Variants in GNPTAB observed in about 807,000 individuals in gnomAD.
GNPTAB encodes the protein N-acetylglucosamine-1-phosphate transferase subunits alpha and beta.
A neutral mutation model predicts 136.6 loss-of-function variants in GNPTAB; 92 were observed. The observed-to-expected ratio is 0.67, with a 90% CI of 0.57 to 0.80. GNPTAB has a LOEUF of 0.80. GNPTAB is among the 30% of genes least tolerant of loss of function. The pLI, the probability that GNPTAB is intolerant of heterozygous loss-of-function variation, is 0.00. For missense variants in GNPTAB, 1,343 were observed against 1,501.8 expected (o/e 0.89, Z 1.75); for synonymous variants, 512 against 535.1 (o/e 0.96, Z 0.60).
chr12:101,780,076 A>G (rs1953317991), intron 7 of GNPTAB, 76 bp downstream of exon 7: 1 of 1,439,894 alleles, frequency 6.9e-7, no homozygotes, highest in Admixed American at 1.7e-5. Flanking sequence ...TGGGGGAAAA[A>G]AATGGACCAC....
intron 4 of GNPTAB, 36 bp from the exon 5 acceptor site, chr12:101,786,253 C>T (rs762311871): frequency 2.6e-6 from 4 of 1,529,052 alleles, no homozygotes; most frequent in African/African-American, 2.7e-5. Context: ...CAATTACATT[C>T]TTGAAATTTA....
At chr12:101,791,566 C>T (rs1204445764) in intron 2 of GNPTAB, among the ~76,000 whole-genome samples, 1 of 151,660 alleles carries the variant, frequency 6.6e-6, no homozygotes, top group Non-Finnish European at 1.5e-5. Context: ...TCCTTGGCCA[C>T]ATACGGCCCA....
chr12:101,785,444 TC>T (rs1868581033), intron 5 of GNPTAB: 1 of 152,822 alleles, frequency 6.5e-6, no homozygotes, highest in Admixed American at 6.5e-5. Flanking sequence ...GGTCTTGAAC[TC>T]CTTAGGCTCA....
rs1168553523 is a variant in GNPTAB at position 101,769,876 on chromosome 12, C to G, written c.1284+145G>C. 3 of 845,746 alleles carry G rather than the reference C, an allele frequency of 3.5e-6. No homozygotes were observed. The African/African-American group carries it at 5.0e-5, about 14-fold the overall frequency. The allele number at this position is 845,746 out of a possible 1,614,324, so 52.4% of individuals were successfully genotyped here. A position where few individuals can be genotyped will look rare whatever the true frequency, so the allele number is the denominator to read the frequency against. The stretch of plus-strand genomic sequence containing the variant: ...ACCCCTAGGTGGTCAAGTGATCCAC[C>G]CACCTCCGCCTCCCAAAGTACTGGG... On this transcript the variant is annotated intron_variant, in intron 10 of 20. Transcript: ENST00000299314.
intron 1 of GNPTAB, among the ~76,000 whole-genome samples, chr12:101,829,810 A>G (rs558076106): frequency 6.6e-6 from 1 of 152,314 alleles, no homozygotes; most frequent in Admixed American, 6.5e-5. Flanking sequence ...TAATTTAGCC[A>G]TTAAACAAAC....
intron 20 of GNPTAB, among the ~76,000 whole-genome samples, chr12:101,747,749 T>C (rs1952755464): frequency 9.8e-6 from 1 of 102,436 alleles, no homozygotes; most frequent in Non-Finnish European, 2.0e-5. Flanking sequence ...GAGGCAGCAT[T>C]GGCTGCTTTG....
At chr12:101,798,705 G>A (rs1026519201) in intron 1 of GNPTAB, among the ~76,000 whole-genome samples, 2 of 152,142 alleles carry the variant, frequency 1.3e-5, no homozygotes, top group African/African-American at 4.8e-5. Context: ...CCCATCTCCT[G>A]TTACTATTGC....
In GNPTAB at chr12:101,770,488, C is replaced by T. The variant is rs1594219189; in HGVS notation, c.1031G>A (p.Arg344Gln). The change falls in exon 9 of 21, where the codon CGG becomes CAG. Residue 344 changes from arginine to glutamine, a missense_variant. By Grantham distance (43) the Arg-to-Gln change is conservative. Transcript: ENST00000299314. ...RSIERHAPWV[R>Q]NIFIVTNGQI... ...CCCGTTGGTGACAATGAAAATATTC[C>T]GAACCCATGGTGCATGCCTCTCGAT... is the stretch of plus-strand genomic sequence containing the variant. The T allele has an allele frequency of 4.3e-6, 7 of 1,613,646 alleles. No individual in the cohort carries two copies. The highest frequency in any genetic ancestry group is 3.3e-5 in the Admixed American group (2 of 60,024).
At chr12:101,798,676 G>A (rs1869439427) in intron 1 of GNPTAB, among the ~76,000 whole-genome samples, 1 of 152,172 alleles carries the variant, frequency 6.6e-6, no homozygotes, top group African/African-American at 2.4e-5. Context: ...AGTATATACT[G>A]TACTAAAATA....
intron 5 of GNPTAB, among the ~76,000 whole-genome samples, chr12:101,783,619 A>G (rs1231395302): frequency 6.6e-6 from 1 of 152,224 alleles, no homozygotes; most frequent in Admixed American, 6.5e-5. Flanking sequence ...TGCAGTTCGA[A>G]TATGTGAGTG....
intron 5 of GNPTAB, 131 bp from the exon 6 acceptor site, chr12:101,780,752 AAGG>A: frequency 1.4e-6 from 1 of 709,166 alleles, no homozygotes. Context: ...AAGGAAGCTG[AAGG>A]AGACAAAATT....
At chr12:101,796,407 TA>T (rs1269103761) in intron 2 of GNPTAB, 1 of 645,206 alleles carries the variant, frequency 1.5e-6, no homozygotes, top group South Asian at 1.8e-5. Flanking sequence ...TTCCTTATTT[TA>T]AAAAAATATC....
chr12:101,766,617 A>G (rs1240751802), intron 11 of GNPTAB, among the ~76,000 whole-genome samples: 1 of 152,204 alleles, frequency 6.6e-6, no homozygotes. Flanking sequence ...CAGCCTGGGC[A>G]ACAAGAGTGA....
At chr12:101,816,095 G>A (rs1870500172) in intron 1 of GNPTAB, among the ~76,000 whole-genome samples, 1 of 152,040 alleles carries the variant, frequency 6.6e-6, no homozygotes, top group African/African-American at 2.4e-5. Context: ...GAAACTACTA[G>A]AAGAAAATAA....
Position 101,787,439 on chromosome 12 carries a change from AAC to A in GNPTAB, c.365+1107_365+1108del, listed in dbSNP as rs528061577. Among the ~76,000 whole-genome samples the A allele has an allele frequency of 7.6e-3, 1,163 of 152,332 alleles. 9 individuals carry two copies. Among genetic ancestry groups the A allele is most frequent in the Non-Finnish European group, 0.014 (967 of 68,024 alleles). On this transcript the variant is annotated intron_variant, in intron 4 of 20. Transcript: ENST00000299314. ...ATATGCATGAAAAGGGAATAAAAAT[AAC>A]AGTTGTTAAATAAGATTTATAAAAT...
chr12:101,822,527 T>C (rs1216247512), intron 1 of GNPTAB, among the ~76,000 whole-genome samples: 1 of 152,220 alleles, frequency 6.6e-6, no homozygotes, highest in South Asian at 2.1e-4. Flanking sequence ...CTTTCTTTCA[T>C]GTGCTCCAAC....
At chr12:101,782,091 T>C (rs1479358290) in intron 5 of GNPTAB, among the ~76,000 whole-genome samples, 2 of 152,194 alleles carry the variant, frequency 1.3e-5, no homozygotes, top group Admixed American at 1.3e-4. Context: ...ACAGAAGGCA[T>C]GCTTGTGAAA....
chr12:101,780,271 C>T lies in GNPTAB; in HGVS notation c.652G>A (p.Val218Ile). The change falls in exon 7 of 21, where the codon GTC (valine) becomes ATC (isoleucine). Residue 218 changes from valine (V) to isoleucine (I), a missense_variant. Val to Ile is a conservative substitution (Grantham distance 29). Coordinates refer to ENST00000299314, the MANE Select transcript of GNPTAB (RefSeq NM_024312.5). The stretch of plus-strand genomic sequence containing the variant: ...TCTTGCATTAGCACTAATCCAGGGA[C>T]TTCTTTATCTGTTGTCTAAAATAAG... ...WRGYLTTDKE[V>I]PGLVLMQDLA... 6.2e-7 allele frequency: 1 copy of T among 1,614,028 alleles called. No homozygotes were observed. The highest frequency in any genetic ancestry group is 1.1e-5 in the South Asian group (1 of 91,078).
At chr12:101,785,467 T>A (rs2137143594) in intron 5 of GNPTAB, 1 of 154,170 alleles carries the variant, frequency 6.5e-6, no homozygotes, top group South Asian at 2.0e-4. Context: ...GCAATCCTTC[T>A]TAGTCTCCCA....
Sources: gnomAD v4.1 joint callset for allele counts (sites outside exome capture counted in the v4.1 genomes callset) on GRCh38, gnomAD v4.1.1 for gene constraint, MANE v1.5 for transcripts, NCBI Gene and HGNC (gene_info 2026-07-23, HGNC 2026-07-21) for gene names.